The following TUSC3 variants were observed in gnomAD, a reference collection of about 807,000 sequenced individuals.
TUSC3 encodes the protein dolichyl-diphosphooligosaccharide--protein glycosyltransferase subunit TUSC3.
Under a neutral mutation model 44.8 loss-of-function variants are expected in TUSC3, and 45 were observed. That is an observed-to-expected ratio of 1.00 (90% CI 0.79 to 1.29). The LOEUF is 1.29. TUSC3 is among the 50% of genes most tolerant of loss of function. The probability of loss-of-function intolerance (pLI) is 0.00; values close to 1 mark genes in which losing one functional copy is unlikely to be tolerated. For missense variants in TUSC3, 519 were observed against 437.9 expected (o/e 1.19, Z -1.65); for synonymous variants, 212 against 152.9 (o/e 1.39, Z -2.85).
At position 15,445,597 on chromosome 8, in the gene TUSC3, G is replaced by A. The variant is rs530719877; in HGVS notation, n.91+28292G>A. Among the ~76,000 whole-genome samples, 24 of 152,290 alleles carry A rather than the reference G, an allele frequency of 1.6e-4. No individual in the cohort carries two copies. In the South Asian group the frequency reaches 4.8e-3, roughly 30 times the overall value. ...GCCCTTAATCCATTTAACCCTGAGT[G>A]GACACAGCACATGTTTCAGAGAGCA... is the stretch of plus-strand genomic sequence containing the variant. On this transcript the variant is annotated intron_variant and non_coding_transcript_variant, in intron 1 of 5. Transcript: ENST00000503191.
chr8:15,653,541 T>G (rs1807012996), intron 3 of TUSC3, among the ~76,000 whole-genome samples: 1 of 152,206 alleles, frequency 6.6e-6, no homozygotes, highest in South Asian at 2.1e-4. Context: ...GTCAGTTGTT[T>G]TTAATTGAAA....
chr8:15,598,130 A>G (rs1251827531), intron 1 of TUSC3, among the ~76,000 whole-genome samples: 2 of 151,964 alleles, frequency 1.3e-5, no homozygotes, highest in Non-Finnish European at 2.9e-5. Context: ...TTTGCAGAGC[A>G]TAATACCAGT....
intron 1 of TUSC3, among the ~76,000 whole-genome samples, chr8:15,552,577 T>C (rs150771411): frequency 6.6e-6 from 1 of 151,696 alleles, no homozygotes; most frequent in Non-Finnish European, 1.5e-5. Context: ...CTGGTAAAGG[T>C]CCAGCATATG....
chr8:15,530,787 T>G (rs569978151), intron 2 of TUSC3, among the ~76,000 whole-genome samples: 1 of 152,330 alleles, frequency 6.6e-6, no homozygotes, highest in East Asian at 1.9e-4. Context: ...TATGTATTGT[T>G]TTATTTCATC....
the TUSC3 span, among the ~76,000 whole-genome samples, chr8:15,849,854 C>T: frequency 6.6e-6 from 1 of 152,092 alleles, no homozygotes; most frequent in Non-Finnish European, 1.5e-5. Flanking sequence ...TTGTGTGGCT[C>T]ACTCCAGTGC....
At chr8:15,708,085 A>G (rs1809693076) in intron 6 of TUSC3, among the ~76,000 whole-genome samples, 1 of 151,948 alleles carries the variant, frequency 6.6e-6, no homozygotes, top group Admixed American at 6.6e-5. Flanking sequence ...TAAATCCTGA[A>G]CTAATTAAAT....
At chr8:15,802,989 G>A in the TUSC3 span, among the ~76,000 whole-genome samples, 16 of 152,148 alleles carry the variant, frequency 1.1e-4, no homozygotes, top group African/African-American at 3.6e-4. Context: ...AGGTAAACGT[G>A]TGATTCAGTA....
intron 2 of TUSC3, among the ~76,000 whole-genome samples, chr8:15,631,667 GTT>G (rs1017626799): frequency 6.1e-5 from 7 of 114,694 alleles, no homozygotes; most frequent in South Asian, 6.5e-4. Flanking sequence ...GTTTAAGGCT[GTT>G]GTGTGTGTGT....
At chr8:15,836,905 A>G in the TUSC3 span, among the ~76,000 whole-genome samples, 1 of 152,110 alleles carries the variant, frequency 6.6e-6, no homozygotes, top group Admixed American at 6.5e-5. Context: ...TTGATTGTAA[A>G]GGTTTATAAG....
At chr8:15,821,204 G>A in the TUSC3 span, among the ~76,000 whole-genome samples, 3 of 152,022 alleles carry the variant, frequency 2.0e-5, no homozygotes, top group African/African-American at 7.2e-5. Flanking sequence ...GTAGTTTAAA[G>A]GTGTTCACTG....
intron 6 of TUSC3, chr8:15,689,349 C>G (rs1279608897): frequency 8.0e-6 from 2 of 248,612 alleles, no homozygotes; most frequent in African/African-American, 2.3e-5. Flanking sequence ...CATCTGGACT[C>G]CCAGCTGTTC....
intron 1 of TUSC3, among the ~76,000 whole-genome samples, chr8:15,426,578 T>G (rs1418586624): frequency 6.6e-6 from 1 of 152,212 alleles, no homozygotes; most frequent in South Asian, 2.1e-4. Context: ...ACAGGATTTC[T>G]TTCTTTTTCA....
chr8:15,730,412 C>G (rs527852595), intron 6 of TUSC3, among the ~76,000 whole-genome samples: 2 of 151,978 alleles, frequency 1.3e-5, no homozygotes. Context: ...GTGATAAATC[C>G]TTTAACAAGT....
chr8:15,848,331 G>A, the TUSC3 span, among the ~76,000 whole-genome samples: 1 of 152,176 alleles, frequency 6.6e-6, no homozygotes, highest in African/African-American at 2.4e-5. Flanking sequence ...TGACAATACA[G>A]CACCCTGTGA....
At chr8:15,668,413 G>T (rs1422683276) in intron 5 of TUSC3, among the ~76,000 whole-genome samples, 1 of 151,428 alleles carries the variant, frequency 6.6e-6, no homozygotes, top group Non-Finnish European at 1.5e-5. Context: ...TTATTCATTT[G>T]TTGACCATTC....
chr8:15,574,730 A>C (rs1171131394), intron 1 of TUSC3, among the ~76,000 whole-genome samples: 1 of 152,136 alleles, frequency 6.6e-6, no homozygotes, highest in Non-Finnish European at 1.5e-5. Flanking sequence ...TGAGAATTTG[A>C]GAGAAATTTT....
At chr8:15,850,173 C>A in the TUSC3 span, among the ~76,000 whole-genome samples, 1 of 150,780 alleles carries the variant, frequency 6.6e-6, no homozygotes, top group Non-Finnish European at 1.5e-5. Flanking sequence ...TCCAGTATAA[C>A]CTGCCTTTCC....
intron 2 of TUSC3, among the ~76,000 whole-genome samples, chr8:15,643,536 G>C (rs1806483355): frequency 6.6e-6 from 1 of 151,698 alleles, no homozygotes; most frequent in African/African-American, 2.4e-5. Context: ...ATATGTATTT[G>C]GATCACATAT....
intron 2 of TUSC3, among the ~76,000 whole-genome samples, chr8:15,510,234 A>G (rs959719299): frequency 1.3e-5 from 2 of 152,186 alleles, no homozygotes; most frequent in African/African-American, 4.8e-5. Flanking sequence ...AATAGATACA[A>G]TCAAAGTGGA....
Sources: gnomAD v4.1 joint callset for allele counts (sites outside exome capture counted in the v4.1 genomes callset) on GRCh38, gnomAD v4.1.1 for gene constraint, MANE v1.5 for transcripts, NCBI Gene and HGNC (gene_info 2026-07-23, HGNC 2026-07-21) for gene names.